The following MAGI1 variants were observed in gnomAD, a reference collection of about 807,000 sequenced individuals.
MAGI1 encodes the protein membrane associated guanylate kinase, WW and PDZ domain containing 1, also known as membrane-associated guanylate kinase, WW and PDZ domain-containing protein 1.
Under a neutral mutation model 139.9 loss-of-function variants are expected in MAGI1, and 58 were observed. The observed-to-expected ratio is 0.41, with a 90% CI of 0.34 to 0.52. MAGI1 has a LOEUF of 0.52. Among genes scored for constraint, MAGI1 ranks in the 20% least tolerant of loss-of-function variants. MAGI1 has a pLI of 0.12. For missense variants in MAGI1, 1,874 were observed against 1,901.6 expected, an observed-to-expected ratio of 0.99 and a Z score of 0.27; for synonymous variants, 812 against 737.9, an observed-to-expected ratio of 1.10 and a Z score of -1.63.
At chr3:65,387,036 T>C in intron 14 of MAGI1, 2 of 969,888 alleles carry the variant, frequency 2.1e-6, no homozygotes, top group Non-Finnish European at 3.2e-6. Flanking sequence ...CATGCCCCTT[T>C]TTTCTTCCCT....
chr3:65,510,027 G>A (rs59354508), intron 2 of MAGI1, among the ~76,000 whole-genome samples: 1 of 151,728 alleles, frequency 6.6e-6, no homozygotes, highest in Non-Finnish European at 1.5e-5. Flanking sequence ...CTGGGAGGCA[G>A]CCCCCAGCAG....
rs114329150 is a variant in MAGI1 at position 65,566,831 on chromosome 3, C to T, written c.430+55141G>A. On this transcript the variant is annotated intron_variant, in intron 2 of 22. Coordinates refer to ENST00000402939, the MANE Select transcript of MAGI1 (RefSeq NM_001033057.2). ...ATAATTTTTGAGACCTCTCCTGACC[C>T]GGTGATCCACCCGCCTGGGCCTCCC... Among the ~76,000 whole-genome samples, 98 of 144,722 alleles carry T rather than the reference C, an allele frequency of 6.8e-4. No homozygotes were observed. The Middle Eastern group carries it at 0.018, about 27-fold the overall frequency. The allele number at this position is 144,722 out of a possible 152,430, so 94.9% of individuals were successfully genotyped here. A position where few individuals can be genotyped will look rare whatever the true frequency, so the allele number is the denominator to read the frequency against.
chr3:65,401,384 C>A (rs1944878678), intron 13 of MAGI1, 55 bp downstream of exon 13: 6 of 1,466,730 alleles, frequency 4.1e-6, no homozygotes, highest in Admixed American at 1.9e-5. Flanking sequence ...CCACCTCCAG[C>A]CCCCCACCAT....
At position 66,001,864 on chromosome 3, in the gene MAGI1, C is replaced by T. The variant is rs145606064; in HGVS notation, c.313+36132G>A. 3.6e-3 allele frequency among the ~76,000 whole-genome samples: 555 copies of T among 152,268 alleles called. 3 individuals carry two copies. Among genetic ancestry groups the T allele is most frequent in the Middle Eastern group, 0.01 (3 of 294 alleles). The stretch of plus-strand genomic sequence containing the variant: ...AGCTGTTAAAGCCTTTAGAAAAACA[C>T]GGAAGCTGAAAGCTCTCACATATAT... On this transcript the variant is annotated intron_variant, in intron 1 of 22. Transcript: ENST00000402939.
At chr3:65,375,096 G>A (rs1651399564) in intron 18 of MAGI1, among the ~76,000 whole-genome samples, 1 of 151,814 alleles carries the variant, frequency 6.6e-6, no homozygotes, top group South Asian at 2.1e-4. Flanking sequence ...CAGAGGATCT[G>A]TACCACCTGT....
chr3:65,650,545 G>T (rs891165293), intron 1 of MAGI1, among the ~76,000 whole-genome samples: 4 of 152,222 alleles, frequency 2.6e-5, no homozygotes, highest in Non-Finnish European at 4.4e-5. Flanking sequence ...GGCCTTCTGT[G>T]TAGGCAAGGG....
At chr3:65,423,497 GT>G (rs1468948406) in intron 12 of MAGI1, among the ~76,000 whole-genome samples, 1 of 152,230 alleles carries the variant, frequency 6.6e-6, no homozygotes, top group African/African-American at 2.4e-5. Flanking sequence ...AATATCATCA[GT>G]AAATTTTGAT....
intron 1 of MAGI1, among the ~76,000 whole-genome samples, chr3:65,691,228 G>A (rs569072194): frequency 1.1e-4 from 16 of 150,528 alleles, no homozygotes; most frequent in East Asian, 2.0e-4. Context: ...GTGTGAACCC[G>A]GGAGGAGGAG....
At chr3:65,882,502 G>A (rs2060367587) in intron 1 of MAGI1, among the ~76,000 whole-genome samples, 4 of 152,058 alleles carry the variant, frequency 2.6e-5, no homozygotes, top group Admixed American at 2.6e-4. Context: ...TCTACAGGAT[G>A]GCAGGGAACC....
intron 2 of MAGI1, among the ~76,000 whole-genome samples, chr3:65,530,791 G>GTATATA (rs368893697): frequency 9.9e-5 from 6 of 60,870 alleles, no homozygotes; most frequent in African/African-American, 4.4e-4. Flanking sequence ...ATATATACAC[G>GTATATA]TATATATATA....
chr3:65,815,051 G>A (rs899020016), intron 1 of MAGI1, among the ~76,000 whole-genome samples: 6 of 152,058 alleles, frequency 3.9e-5, no homozygotes, highest in South Asian at 2.1e-4. Context: ...GTCCTGCCTC[G>A]TACAGTTCCC....
intron 6 of MAGI1, among the ~76,000 whole-genome samples, chr3:65,449,815 G>A (rs1455246699): frequency 6.6e-6 from 1 of 152,018 alleles, no homozygotes; most frequent in East Asian, 1.9e-4. Context: ...CAGAACAGGA[G>A]ACAAATCCAA....
chr3:65,923,861 A>G (rs2062359873), intron 1 of MAGI1, among the ~76,000 whole-genome samples: 1 of 152,212 alleles, frequency 6.6e-6, no homozygotes, highest in African/African-American at 2.4e-5. Context: ...ACCACAAAGA[A>G]GCAATTCCAA....
intron 1 of MAGI1, among the ~76,000 whole-genome samples, chr3:65,872,367 C>T (rs2059967157): frequency 6.6e-6 from 1 of 152,198 alleles, no homozygotes; most frequent in Admixed American, 6.5e-5. Flanking sequence ...TCCAACTCTT[C>T]CTCTCCACTG....
chr3:65,568,539 C>T (rs1407365092), intron 2 of MAGI1, among the ~76,000 whole-genome samples: 1 of 152,172 alleles, frequency 6.6e-6, no homozygotes, highest in East Asian at 1.9e-4. Context: ...GCTGATTTGC[C>T]AATAGATTTC....
intron 1 of MAGI1, among the ~76,000 whole-genome samples, chr3:65,860,250 A>G (rs2372152): frequency 0.45 from 68,274 of 151,850 alleles, 15,804 homozygotes; most frequent in Admixed American, 0.63. Context: ...AACAAAACTC[A>G]CTGTTCTACT....
At chr3:65,363,984 C>G (rs912887511) in intron 20 of MAGI1, among the ~76,000 whole-genome samples, 2 of 151,912 alleles carry the variant, frequency 1.3e-5, no homozygotes, top group Non-Finnish European at 2.9e-5. Context: ...CCAACAAAAC[C>G]TCTCCAAATC....
chr3:65,431,403 C>T (rs1433275751), intron 10 of MAGI1, among the ~76,000 whole-genome samples: 1 of 151,976 alleles, frequency 6.6e-6, no homozygotes, highest in Non-Finnish European at 1.5e-5. Flanking sequence ...AATAATTTGA[C>T]AAAAATGTAG....
chr3:65,542,327 G>A (rs995614423), intron 2 of MAGI1, among the ~76,000 whole-genome samples: 5 of 152,142 alleles, frequency 3.3e-5, no homozygotes, highest in Non-Finnish European at 7.4e-5. Flanking sequence ...TCAATATCGT[G>A]AAAATGGCCA....
Sources: allele counts gnomAD v4.1 joint callset (sites outside exome capture counted in the v4.1 genomes callset), GRCh38; gene constraint gnomAD v4.1.1; transcripts MANE v1.5; gene names NCBI Gene and HGNC (gene_info 2026-07-23, HGNC 2026-07-21).